RGS12: variants seen among roughly 807,000 people sequenced by gnomAD.
RGS12 encodes the protein regulator of G-protein signaling 12.
A neutral mutation model predicts 120.1 loss-of-function variants in RGS12; 66 were observed. The observed-to-expected ratio is 0.55, with a 90% CI of 0.45 to 0.67. The LOEUF is 0.67. Ranked by LOEUF, RGS12 falls within the 30% of genes least tolerant of loss-of-function variation. The pLI, the probability that RGS12 is intolerant of heterozygous loss-of-function variation, is 0.00. For synonymous variants in RGS12, 827 were observed against 804.7 expected, an observed-to-expected ratio of 1.03 and a Z score of -0.47; for missense variants, 1,859 against 1,957.7, an observed-to-expected ratio of 0.95 and a Z score of 0.95.
intron 4 of RGS12, among the ~76,000 whole-genome samples, chr4:3,412,052 A>T (rs539608267): frequency 6.6e-6 from 1 of 152,386 alleles, no homozygotes; most frequent in Admixed American, 6.5e-5. Context: ...AGGAAACATT[A>T]CCACCGTGTT....
chr4:3,387,324 G>A (rs1032275306), intron 4 of RGS12, among the ~76,000 whole-genome samples: 12 of 152,204 alleles, frequency 7.9e-5, no homozygotes, highest in African/African-American at 2.4e-4. Flanking sequence ...ACTTTCTGTG[G>A]TCCTGCAGCT....
intron 1 of RGS12, among the ~76,000 whole-genome samples, chr4:3,305,569 G>A (rs1723930705): frequency 6.6e-6 from 1 of 152,194 alleles, no homozygotes; most frequent in Non-Finnish European, 1.5e-5. Context: ...CACAGCCACG[G>A]TGCCATCATG....
At chr4:3,311,196 G>A (rs573309649) in intron 1 of RGS12, among the ~76,000 whole-genome samples, 2 of 152,268 alleles carry the variant, frequency 1.3e-5, no homozygotes, top group Admixed American at 1.3e-4. Flanking sequence ...CGTCTCTCTC[G>A]CCTCACACTG....
chr4:3,361,182 A>G (rs567747542), intron 3 of RGS12, among the ~76,000 whole-genome samples: 5 of 152,280 alleles, frequency 3.3e-5, no homozygotes, highest in African/African-American at 9.6e-5. Flanking sequence ...GTGTCATTCC[A>G]GTTATAGAAA....
chr4:3,307,472 C>T (rs1287336166), intron 1 of RGS12, among the ~76,000 whole-genome samples: 1 of 152,226 alleles, frequency 6.6e-6, no homozygotes, highest in African/African-American at 2.4e-5. Context: ...ACTTCATCAA[C>T]CCTCTTACTT....
chr4:3,416,876 C>T, intron 7 of RGS12, 37 bp from the exon 8 acceptor site: 1 of 1,553,872 alleles, frequency 6.4e-7, no homozygotes, highest in Non-Finnish European at 8.8e-7. Flanking sequence ...TGTCTGGGTC[C>T]CTCCTGTGAC....
chr4:3,295,519 G>T (rs1723331360), intron 1 of RGS12, among the ~76,000 whole-genome samples: 1 of 151,950 alleles, frequency 6.6e-6, no homozygotes, highest in African/African-American at 2.4e-5. Flanking sequence ...AATTATTCGG[G>T]TGTGGTGGCA....
At position 3,439,612 on chromosome 4, in the gene RGS12, C is replaced by T; in HGVS notation, c.4272C>T (p.Leu1424=). The T allele has an allele frequency of 1.2e-6, 2 of 1,606,122 alleles. No homozygotes were observed. The highest frequency in any genetic ancestry group is 1.7e-6 in the Non-Finnish European group (2 of 1,176,082). The change falls in exon 18 of 18, where the codon CTC becomes CTT. Residue 1424 remains leucine (L), a synonymous_variant. Transcript: ENST00000336727. ...GTGGTGGGCCTCCTACATCAGACCT[C>T]CCTGGCTTGGGCCCCGTCCCGGGTG... The part of the protein sequence containing the change: ...QASGGPPTSD[L]PGLGPVPGEP...
In RGS12 at chr4:3,365,393, G is replaced by A. The variant is rs1716198221; in HGVS notation, c.1999-21023G>A. ...CAGGTGAGAGGAGGGAGGGAGGACA[G>A]GTCTTGAGGGAGGGAGGAGGGAGGG... On this transcript the variant is annotated intron_variant, in intron 3 of 17. Coordinates refer to ENST00000336727, the MANE Select transcript of RGS12 (RefSeq NM_001394154.1). This position sits in a 1 kb window ranked among gnomAD's most constrained non-coding sequence, Gnocchi z 4.0. Among the ~76,000 whole-genome samples, 1 of 151,970 alleles carries A rather than the reference G, an allele frequency of 6.6e-6. No homozygotes were observed. The highest frequency in any genetic ancestry group is 2.4e-5 in the African/African-American group (1 of 41,374).
chr4:3,296,480 G>C (rs1175618677), intron 1 of RGS12, among the ~76,000 whole-genome samples: 1 of 152,046 alleles, frequency 6.6e-6, no homozygotes, highest in Non-Finnish European at 1.5e-5. Flanking sequence ...ACGAGCCACC[G>C]CGCCTAGCTT....
At chr4:3,345,500 G>T (rs1713706480) in intron 3 of RGS12, among the ~76,000 whole-genome samples, 1 of 152,326 alleles carries the variant, frequency 6.6e-6, no homozygotes, top group Admixed American at 6.5e-5. Context: ...GTCCCAGTTT[G>T]GTGTGGTCTG....
chr4:3,325,205 A>G (rs1317951747), intron 2 of RGS12, among the ~76,000 whole-genome samples: 1 of 152,208 alleles, frequency 6.6e-6, no homozygotes, highest in Admixed American at 6.5e-5. Context: ...TTGGTTCAGG[A>G]ATGCGGCTTA....
rs113897950 is a variant in RGS12 at position 3,430,926 on chromosome 4, C to G, written c.4085C>G (p.Pro1362Arg). ...ACCTTGCTGCCGCCGCCCTCCACCC[C>G]CCAGGAAGTGCCAGGACCTTCCAGA... is the stretch of plus-strand genomic sequence containing the variant. Reference protein sequence around the residue: ...NSTLLPPPSTPQEVPGPSRPG... With the variant: ...NSTLLPPPSTRQEVPGPSRPG... The change falls in exon 17 of 18, where the codon CCC (proline) becomes CGC (arginine). Residue 1362 changes from proline (P) to arginine (R), a missense_variant. Transcript: ENST00000336727. 6.2e-6 allele frequency: 10 copies of G among 1,612,670 alleles called. No homozygotes were observed. In the East Asian group the frequency reaches 8.9e-5, roughly 14 times the overall value.
chr4:3,290,057 C>T (rs186291561), upstream of RGS12, among the ~76,000 whole-genome samples: 20 of 152,300 alleles, frequency 1.3e-4, no homozygotes, highest in Admixed American at 2.0e-4. Context: ...AATCCATCGA[C>T]GAGCGCTTAG....
upstream of RGS12, among the ~76,000 whole-genome samples, chr4:3,290,644 A>G (rs1484720206): frequency 3.3e-5 from 5 of 152,212 alleles, no homozygotes; most frequent in African/African-American, 4.8e-5. Context: ...GTAGCCTATG[A>G]GCTGTGGGTA....
In RGS12 at chr4:3,389,653, G is replaced by A. The variant is rs1380855478; in HGVS notation, c.2020+3216G>A. Among the ~76,000 whole-genome samples the A allele has an allele frequency of 3.3e-5, 5 of 152,134 alleles. No homozygotes were observed. Among genetic ancestry groups the A allele is most frequent in the Admixed American group, 6.5e-5 (1 of 15,280 alleles). ...GCAGCCTCCACAGGTGGATGTTCCC[G>A]CTGTGACCACCTCACCTTCTGAAGT... On this transcript the variant is annotated intron_variant, in intron 4 of 17. Coordinates refer to ENST00000336727, the MANE Select transcript of RGS12 (RefSeq NM_001394154.1). The surrounding 1 kb of genome is among the most constrained non-coding windows in gnomAD (Gnocchi z 5.2).
At chr4:3,437,165 G>T (rs1366526860) in intron 17 of RGS12, among the ~76,000 whole-genome samples, 7 of 152,200 alleles carry the variant, frequency 4.6e-5, no homozygotes, top group African/African-American at 1.7e-4. Flanking sequence ...TCACAGGCCT[G>T]GGGCTGGCTG....
chr4:3,420,351 G>C lies in RGS12; in HGVS notation c.2762-291G>C, dbSNP rs1429307341. On this transcript the variant is annotated intron_variant, in intron 9 of 17. Coordinates refer to ENST00000336727, the MANE Select transcript of RGS12 (RefSeq NM_001394154.1). ...TACTGATGTGATTTGTTGGGCACCTGCCATGAGCCAAGCATGTTTTGGAGC... is the reference window on the plus strand; with the variant it reads ...TACTGATGTGATTTGTTGGGCACCTCCCATGAGCCAAGCATGTTTTGGAGC... The C allele has an allele frequency of 7.7e-6, 4 of 516,700 alleles. No homozygotes were observed. The East Asian group carries it at 1.0e-4, about 13-fold the overall frequency. 32.0% of individuals were successfully genotyped at this position (516,700 alleles called of 1,614,324 possible).
intron 2 of RGS12, 116 bp from the exon 3 acceptor site, chr4:3,342,817 CTCTT>C: frequency 2.6e-6 from 2 of 779,916 alleles, no homozygotes; most frequent in Non-Finnish European, 4.3e-6. Context: ...TTTTAAATCT[CTCTT>C]TTTAAAAAGT....
Sources: allele counts gnomAD v4.1 joint callset (sites outside exome capture counted in the v4.1 genomes callset), GRCh38; gene constraint gnomAD v4.1.1; non-coding constraint Gnocchi (gnomAD v3.1); transcripts MANE v1.5; gene names NCBI Gene and HGNC (gene_info 2026-07-23, HGNC 2026-07-21).